PXDNL: variants seen among roughly 807,000 people sequenced by gnomAD.
PXDNL encodes probable oxidoreductase PXDNL.
In PXDNL, 145 loss-of-function variants were observed where a neutral mutation model predicts 150.8. The ratio of observed to expected loss-of-function variants is 0.96; its 90% CI spans 0.84 to 1.10. The LOEUF is 1.10. PXDNL is among the 50% of genes least tolerant of loss of function. The pLI is 0.00. For missense variants in PXDNL, 2,087 were observed against 1,873.9 expected (o/e 1.11, Z -2.10); for synonymous variants, 757 against 725.7 (o/e 1.04, Z -0.69).
At chr8:51,483,792 T>G in intron 5 of PXDNL, 78 bp from the exon 6 acceptor site, 1 of 823,766 alleles carries the variant, frequency 1.2e-6, no homozygotes, top group Non-Finnish European at 2.0e-6. Context: ...TTCACCTAAC[T>G]GTGAATCCAA....
chr8:51,418,445 T>C (rs948265679), intron 14 of PXDNL, among the ~76,000 whole-genome samples: 14 of 152,224 alleles, frequency 9.2e-5, no homozygotes, highest in Non-Finnish European at 1.8e-4. Context: ...ATTTTGATAC[T>C]TTATTGTCCA....
At chr8:51,514,179 T>C (rs10097136) in intron 4 of PXDNL, among the ~76,000 whole-genome samples, 75,498 of 152,116 alleles carry the variant, frequency 0.5, 21,918 homozygotes, top group East Asian at 0.66. Flanking sequence ...TTATCTCAGC[T>C]GGAGCCATGA....
At chr8:51,427,259 C>A (rs571466864) in intron 12 of PXDNL, among the ~76,000 whole-genome samples, 1 of 152,002 alleles carries the variant, frequency 6.6e-6, no homozygotes, top group Non-Finnish European at 1.5e-5. Flanking sequence ...TTAAAACTCC[C>A]CAAATAAGAA....
chr8:51,578,102 A>AAAAG lies in PXDNL; in HGVS notation c.308+14521_308+14524dup, dbSNP rs148531515. ...AAAGAAAAAGAGAAAGAAAGAAAGA[A>AAAAG]AAAGAAAGAAAGAAAGAAGGAAAGA... On this transcript the variant is annotated intron_variant, in intron 3 of 22. Transcript: ENST00000356297. Among the ~76,000 whole-genome samples, 22 of 136,086 alleles carry AAAAG rather than the reference A, an allele frequency of 1.6e-4. 1 individual carries two copies. Among genetic ancestry groups the AAAAG allele is most frequent in the Admixed American group, 1.1e-3 (16 of 14,018 alleles). 89.3% of individuals were successfully genotyped at this position (136,086 alleles called of 152,430 possible). A position where few individuals can be genotyped will look rare whatever the true frequency, so the allele number is the denominator to read the frequency against.
At chr8:51,547,110 G>T (rs980288881) in intron 4 of PXDNL, among the ~76,000 whole-genome samples, 4 of 152,020 alleles carry the variant, frequency 2.6e-5, no homozygotes, top group Non-Finnish European at 4.4e-5. Context: ...GAGCTCTATG[G>T]CCCTGCCCAT....
chr8:51,414,994 A>G (rs1287978408), intron 14 of PXDNL, among the ~76,000 whole-genome samples: 3 of 152,206 alleles, frequency 2.0e-5, no homozygotes, highest in Non-Finnish European at 4.4e-5. Flanking sequence ...ATAAATCCTC[A>G]GGCAGACTGA....
intron 4 of PXDNL, among the ~76,000 whole-genome samples, chr8:51,510,949 C>A (rs1439005366): frequency 1.3e-5 from 2 of 152,064 alleles, no homozygotes. Context: ...GGTCACAATT[C>A]AGTCAAAGGT....
chr8:51,416,601 G>T (rs1808807244), intron 14 of PXDNL, among the ~76,000 whole-genome samples: 1 of 152,122 alleles, frequency 6.6e-6, no homozygotes, highest in African/African-American at 2.4e-5. Flanking sequence ...ATATAAGGTG[G>T]CTTTCACGAT....
intron 2 of PXDNL, among the ~76,000 whole-genome samples, chr8:51,616,137 G>A (rs1010556960): frequency 1.5e-4 from 23 of 152,224 alleles, no homozygotes; most frequent in African/African-American, 5.1e-4. Flanking sequence ...GAGCCATTAG[G>A]TTGTGCCTCT....
At chr8:51,670,677 T>C (rs1285410030) in intron 1 of PXDNL, among the ~76,000 whole-genome samples, 1 of 152,206 alleles carries the variant, frequency 6.6e-6, no homozygotes, top group African/African-American at 2.4e-5. Context: ...TTTTTAAATT[T>C]TTCATTGCTG....
At chr8:51,584,415 A>G (rs1813278227) in intron 3 of PXDNL, among the ~76,000 whole-genome samples, 1 of 152,164 alleles carries the variant, frequency 6.6e-6, no homozygotes, top group South Asian at 2.1e-4. Flanking sequence ...TTTTCTTAGA[A>G]GGGCCTGGTA....
At chr8:51,768,613 A>C (rs187324634) in intron 1 of PXDNL, among the ~76,000 whole-genome samples, 6 of 152,346 alleles carry the variant, frequency 3.9e-5, no homozygotes, top group Admixed American at 3.9e-4. Flanking sequence ...CTTTCTCAGC[A>C]TTCAAAACAA....
At chr8:51,804,282 G>A (rs1334216507) in intron 1 of PXDNL, among the ~76,000 whole-genome samples, 2 of 152,140 alleles carry the variant, frequency 1.3e-5, no homozygotes, top group African/African-American at 4.8e-5. Flanking sequence ...GGAGGCAATC[G>A]GATACAGATA....
intron 3 of PXDNL, among the ~76,000 whole-genome samples, chr8:51,560,995 G>A (rs899122645): frequency 2.9e-4 from 44 of 150,556 alleles, no homozygotes; most frequent in Non-Finnish European, 6.4e-4. Flanking sequence ...GTTCATCAAA[G>A]AAAATATACA....
chr8:51,600,680 A>T (rs1203404369), intron 2 of PXDNL, among the ~76,000 whole-genome samples: 1 of 138,470 alleles, frequency 7.2e-6, no homozygotes, highest in East Asian at 2.1e-4. Context: ...TATATAATTT[A>T]TATGATAAAT....
chr8:51,567,298 G>A (rs1193579069), intron 3 of PXDNL, among the ~76,000 whole-genome samples: 2 of 151,752 alleles, frequency 1.3e-5, no homozygotes, highest in Non-Finnish European at 2.9e-5. Flanking sequence ...ACCCAGTTGA[G>A]TGATGGTGCT....
At chr8:51,758,061 G>A (rs984360924) in intron 1 of PXDNL, among the ~76,000 whole-genome samples, 4 of 151,996 alleles carry the variant, frequency 2.6e-5, no homozygotes, top group African/African-American at 9.7e-5. Context: ...AAAGGCAAAT[G>A]TAAATAATAA....
chr8:51,695,873 T>C (rs563334324), intron 1 of PXDNL, among the ~76,000 whole-genome samples: 1 of 152,324 alleles, frequency 6.6e-6, no homozygotes, highest in African/African-American at 2.4e-5. Flanking sequence ...CCCTCGACTA[T>C]TACTGAGTAT....
At chr8:51,744,069 G>GAAA (rs2036941073) in intron 1 of PXDNL, among the ~76,000 whole-genome samples, 3 of 52,022 alleles carry the variant, frequency 5.8e-5, no homozygotes, top group African/African-American at 2.2e-4. Flanking sequence ...AAGGAAGGAA[G>GAAA]GAAGGAAGGA....
Sources: gnomAD v4.1 joint callset for allele counts (sites outside exome capture counted in the v4.1 genomes callset) on GRCh38, gnomAD v4.1.1 for gene constraint, MANE v1.5 for transcripts, NCBI Gene and HGNC (gene_info 2026-07-23, HGNC 2026-07-21) for gene names.